The following PLCG2 variants were observed in gnomAD, a reference collection of about 807,000 sequenced individuals.
PLCG2 encodes the protein 1-phosphatidylinositol 4,5-bisphosphate phosphodiesterase gamma-2.
A neutral mutation model predicts 175.6 loss-of-function variants in PLCG2; 69 were observed. That is an observed-to-expected ratio of 0.39 (90% CI 0.32 to 0.48). The LOEUF (loss-of-function observed/expected upper bound fraction) is 0.48. Among genes scored for constraint, PLCG2 ranks in the 20% least tolerant of loss-of-function variants. The pLI, the probability that PLCG2 is intolerant of heterozygous loss-of-function variation, is 0.91. For synonymous variants in PLCG2, 827 were observed against 624.0 expected (o/e 1.33, Z -4.85); for missense variants, 1,798 against 1,650.9 (o/e 1.09, Z -1.54).
chr16:81,877,509 A>C (rs953294375), intron 7 of PLCG2, among the ~76,000 whole-genome samples: 1 of 152,226 alleles, frequency 6.6e-6, no homozygotes, highest in Non-Finnish European at 1.5e-5. Context: ...ACTGGAGGTT[A>C]AAAGTCCAAA....
At chr16:81,890,583 G>C (rs1908584128) in intron 10 of PLCG2, among the ~76,000 whole-genome samples, 1 of 152,204 alleles carries the variant, frequency 6.6e-6, no homozygotes, top group African/African-American at 2.4e-5. Flanking sequence ...ACCATTGCAA[G>C]CACAGAAACA....
At chr16:81,858,498 G>A (rs558447420) in intron 4 of PLCG2, 142 bp downstream of exon 4, 19 of 665,916 alleles carry the variant, frequency 2.9e-5, no homozygotes, top group East Asian at 1.1e-4. Flanking sequence ...TATGCAATGG[G>A]TGCCTAGTAG....
chr16:81,745,166 G>A (rs1379599017), intron 1 of PLCG2, among the ~76,000 whole-genome samples: 4 of 152,126 alleles, frequency 2.6e-5, no homozygotes, highest in Non-Finnish European at 2.9e-5. Flanking sequence ...AGGTTGTGTT[G>A]GGTAACCCAG....
At chr16:81,870,468 C>A (rs759491798) in intron 6 of PLCG2, among the ~76,000 whole-genome samples, 1 of 152,092 alleles carries the variant, frequency 6.6e-6, no homozygotes, top group East Asian at 1.9e-4. Context: ...GTGTTTTCTG[C>A]CCAAAAAAGG....
intron 9 of PLCG2, chr16:81,883,673 C>T: frequency 2.8e-6 from 1 of 354,548 alleles, no homozygotes. Flanking sequence ...CTGGGTGCAC[C>T]TTTTCTGGCC....
At chr16:81,777,892 C>T (rs1910473864), upstream of PLCG2, among the ~76,000 whole-genome samples, 1 of 151,584 alleles carries the variant, frequency 6.6e-6, no homozygotes, top group Non-Finnish European at 1.5e-5. Context: ...TGGCATACAC[C>T]TATAATCCCA....
At chr16:81,884,346 G>A (rs1010749383) in intron 9 of PLCG2, among the ~76,000 whole-genome samples, 9 of 151,560 alleles carry the variant, frequency 5.9e-5, no homozygotes, top group East Asian at 1.9e-4. Flanking sequence ...GCAAGACTCC[G>A]TCTCAGAAAA....
intron 11 of PLCG2, 80 bp downstream of exon 11, chr16:81,891,670 C>A: frequency 1.2e-6 from 1 of 801,646 alleles, no homozygotes. Context: ...TACGCCGCTC[C>A]GGTGAGCCCT....
At chr16:81,879,974 T>C (rs1034037423) in intron 7 of PLCG2, among the ~76,000 whole-genome samples, 11 of 152,210 alleles carry the variant, frequency 7.2e-5, no homozygotes, top group Non-Finnish European at 1.6e-4. Flanking sequence ...AGATTTGAAA[T>C]GTTGCCTGTA....
chr16:81,956,933 A>T, intron 32 of PLCG2, 54 bp downstream of exon 32: 2 of 1,466,488 alleles, frequency 1.4e-6, no homozygotes, highest in Non-Finnish European at 1.9e-6. Context: ...AGGCACGGTG[A>T]TGATGGGCAC....
chr16:81,801,492 C>G (rs901866082), intron 2 of PLCG2, among the ~76,000 whole-genome samples: 1 of 152,184 alleles, frequency 6.6e-6, no homozygotes, highest in African/African-American at 2.4e-5. Flanking sequence ...AGCAATTTCA[C>G]TCAACAGTAC....
intron 18 of PLCG2, among the ~76,000 whole-genome samples, chr16:81,911,006 C>G (rs944157447): frequency 6.6e-6 from 1 of 152,052 alleles, no homozygotes; most frequent in African/African-American, 2.4e-5. Context: ...TCATTTTGGC[C>G]TGGGGATATT....
At chr16:81,744,580 G>A (rs1163881044) in intron 1 of PLCG2, among the ~76,000 whole-genome samples, 1 of 138,786 alleles carries the variant, frequency 7.2e-6, no homozygotes, top group Non-Finnish European at 1.6e-5. Context: ...TGAAGCTGGT[G>A]GGGATGATAA....
At chr16:81,932,470 C>T (rs770300787) in intron 25 of PLCG2, among the ~76,000 whole-genome samples, 5 of 152,222 alleles carry the variant, frequency 3.3e-5, no homozygotes, top group Non-Finnish European at 7.3e-5. Context: ...TAGGGTTTCC[C>T]ATGCACCCAT....
chr16:81,748,253 G>C (rs944975139), intron 1 of PLCG2, among the ~76,000 whole-genome samples: 1 of 152,144 alleles, frequency 6.6e-6, no homozygotes, highest in African/African-American at 2.4e-5. Flanking sequence ...AGCTGGGCTT[G>C]GTGGCACATG....
intron 32 of PLCG2, 93 bp downstream of exon 32, chr16:81,956,972 G>A (rs938874251): frequency 9.0e-7 from 1 of 1,112,068 alleles, no homozygotes; most frequent in Non-Finnish European, 1.3e-6. Context: ...AAAGCCCTCT[G>A]AGTTGCTTTC....
intron 7 of PLCG2, among the ~76,000 whole-genome samples, chr16:81,878,426 G>A (rs780129856): frequency 2.6e-5 from 4 of 152,170 alleles, no homozygotes; most frequent in Non-Finnish European, 5.9e-5. Flanking sequence ...TTAGGACTTG[G>A]ACATATATTC....
chr16:81,810,172 G>T (rs988715091), intron 2 of PLCG2, among the ~76,000 whole-genome samples: 3 of 152,060 alleles, frequency 2.0e-5, no homozygotes, highest in African/African-American at 7.2e-5. Flanking sequence ...TGTATTTTTA[G>T]TAGAGATGGG....
chr16:81,863,592 G>A (rs137983640), intron 5 of PLCG2, among the ~76,000 whole-genome samples: 1 of 152,284 alleles, frequency 6.6e-6, no homozygotes, highest in East Asian at 1.9e-4. Context: ...TCAGTTGCTG[G>A]ATTGCTGTGT....
Sources: gnomAD v4.1 joint callset for allele counts (sites outside exome capture counted in the v4.1 genomes callset) on GRCh38, gnomAD v4.1.1 for gene constraint, MANE v1.5 for transcripts, NCBI Gene and HGNC (gene_info 2026-07-23, HGNC 2026-07-21) for gene names.